Variants in ARAP1 observed in about 807,000 individuals in gnomAD.
The protein encoded by ARAP1 is arf-GAP with Rho-GAP domain, ANK repeat and PH domain-containing protein 1.
Under a neutral mutation model 172.2 loss-of-function variants are expected in ARAP1, and 76 were observed. That is an observed-to-expected ratio of 0.44 (90% confidence interval 0.37 to 0.53). ARAP1 has a LOEUF of 0.53. Among genes scored for constraint, ARAP1 ranks in the 20% least tolerant of loss-of-function variants. ARAP1 has a pLI of 0.00. For synonymous variants in ARAP1, 804 were observed against 803.3 expected (o/e 1.00, Z -0.01); for missense variants, 1,686 against 1,977.5 (o/e 0.85, Z 2.80).
chr11:72,724,570 A>C (rs1324195935), intron 3 of ARAP1, among the ~76,000 whole-genome samples: 1 of 151,880 alleles, frequency 6.6e-6, no homozygotes, highest in Non-Finnish European at 1.5e-5. Flanking sequence ...TCACTACAGC[A>C]CTCAGTCTTG....
In ARAP1 at chr11:72,725,322, T is replaced by C. The variant is rs140327810; in HGVS notation, c.509+1298A>G. Among the ~76,000 whole-genome samples the C allele has an allele frequency of 0.019, 2,835 of 150,802 alleles. 86 individuals are homozygous for C. The highest frequency in any genetic ancestry group is 0.066 in the African/African-American group (2,713 of 40,968). On this transcript the variant is annotated intron_variant, in intron 3 of 34. Transcript: ENST00000393609. This position sits in a 1 kb window ranked among gnomAD's most constrained non-coding sequence, Gnocchi z 4.3. ...TCTCTCTCTCTCTCTCTCTCTCTTT[T>C]TCTCTCTCTCTCTCCCCCCCACAAG...
Position 72,712,442 on chromosome 11 carries a change from G to A in ARAP1, c.874C>T (p.Pro292Ser). 6.3e-7 allele frequency: 1 copy of A among 1,577,366 alleles called. No individual in the cohort carries two copies. The highest frequency in any genetic ancestry group is 8.6e-7 in the Non-Finnish European group (1 of 1,156,166). Residue 292 changes from proline to serine, a missense_variant, in exon 6 of 35, where the codon CCC (proline) becomes TCC (serine). By Grantham distance (74) the Pro-to-Ser change is moderately conservative (BLOSUM62 -1). This residue lies in a region of ARAP1 where 688 missense variants were observed against 856.9 expected (regional missense o/e 0.80). Transcript: ENST00000393609. ...EEDDHAYEGVPNGGWHTSSLS... is the reference protein window; with the variant it reads ...EEDDHAYEGVSNGGWHTSSLS... ...GGAGGGTGGCCGGACACTCACTTGGGGACGCCCTCATAGGCGTGGTCATCC... is the reference window on the plus strand; with the variant it reads ...GGAGGGTGGCCGGACACTCACTTGGAGACGCCCTCATAGGCGTGGTCATCC...
At chr11:72,717,964 T>C (rs1857352440) in intron 3 of ARAP1, among the ~76,000 whole-genome samples, 1 of 152,140 alleles carries the variant, frequency 6.6e-6, no homozygotes, top group Non-Finnish European at 1.5e-5. Flanking sequence ...AGGACCCATC[T>C]GAGAGGGAAC....
chr11:72,698,398 C>T (rs952066273), intron 18 of ARAP1, among the ~76,000 whole-genome samples: 3 of 152,238 alleles, frequency 2.0e-5, no homozygotes, highest in Non-Finnish European at 4.4e-5. Flanking sequence ...GGTTACACTG[C>T]TGCTGCCGCC....
chr11:72,692,859 G>A, intron 29 of ARAP1, 74 bp from the exon 30 acceptor site: 1 of 1,587,996 alleles, frequency 6.3e-7, no homozygotes, highest in Non-Finnish European at 8.6e-7. Context: ...AGTGATGTGT[G>A]GGGTTGGGGT....
chr11:72,703,151 G>T, intron 14 of ARAP1, 72 bp from the exon 15 acceptor site: 1 of 1,407,844 alleles, frequency 7.1e-7, no homozygotes, highest in Non-Finnish European at 9.4e-7. Context: ...TACGGGGGAG[G>T]AGAGGAAAGA....
chr11:72,703,918 G>A, intron 14 of ARAP1: 1 of 563,508 alleles, frequency 1.8e-6, no homozygotes, highest in South Asian at 2.1e-5. Flanking sequence ...GAGAGAGACA[G>A]ACAGATGCTG....
chr11:72,693,120 G>T lies in ARAP1; in HGVS notation c.3954+205C>A. The stretch of plus-strand genomic sequence containing the variant: ...GGTGTGATGGCATCCGGGTGCCAGG[G>T]CTTAGTGGGGCTACAGGGCACACTA... On this transcript the variant is annotated intron_variant, in intron 29 of 34. Coordinates refer to ENST00000393609, the MANE Select transcript of ARAP1 (RefSeq NM_001040118.3). The surrounding 1 kb of genome is among the most constrained non-coding windows in gnomAD (Gnocchi z 4.6). The T allele has an allele frequency of 1.3e-6, 1 of 765,466 alleles. No homozygotes were observed. The highest frequency in any genetic ancestry group is 2.1e-6 in the Non-Finnish European group (1 of 485,798). The allele number at this position is 765,466 out of a possible 1,614,324, so 47.4% of individuals were successfully genotyped here.
chr11:72,720,510 C>A (rs1015913209), intron 3 of ARAP1, among the ~76,000 whole-genome samples: 11 of 152,204 alleles, frequency 7.2e-5, no homozygotes, highest in Non-Finnish European at 1.6e-4. Flanking sequence ...CCAGTCCTCT[C>A]CATGCCGCCA....
chr11:72,740,902 G>C (rs1812056491), intron 1 of ARAP1, among the ~76,000 whole-genome samples: 1 of 152,122 alleles, frequency 6.6e-6, no homozygotes. Flanking sequence ...CCTCACCCAG[G>C]GGCCCCTCAT....
At chr11:72,697,270 G>C (rs1253914375) in intron 21 of ARAP1, 53 bp downstream of exon 21, 15 of 1,586,576 alleles carry the variant, frequency 9.5e-6, no homozygotes, top group African/African-American at 1.3e-5. Context: ...GCTCTGGGGC[G>C]GGAGGCGGCT....
rs963949823 is a variant in ARAP1 at position 72,685,632 on chromosome 11, G to A, written c.*32C>T. On this transcript the variant is annotated 3_prime_UTR_variant, in exon 35 of 35. Coordinates refer to ENST00000393609, the MANE Select transcript of ARAP1 (RefSeq NM_001040118.3). ...GTCTGAACAGAAGGCTTCCAGCGGC[G>A]GAATCCTAGAGCCAAGGATGGGCTC... 5.0e-6 allele frequency: 8 copies of A among 1,614,004 alleles called. No individual in the cohort carries two copies. The highest frequency in any genetic ancestry group is 1.1e-5 in the South Asian group (1 of 91,082).
rs1361330971 is a variant in ARAP1 at position 72,686,196 on chromosome 11, G to A, written c.4186-5C>T. The A allele has an allele frequency of 6.2e-7, 1 of 1,609,818 alleles. No individual in the cohort carries two copies. The highest frequency in any genetic ancestry group is 1.1e-5 in the South Asian group (1 of 90,958). The stretch of plus-strand genomic sequence containing the variant: ...GGGCCACACCAGGCCGTCATGCTGG[G>A]GAGCAGAGAGGAAGGGGCTGGGCTC... On this transcript the variant is annotated splice_polypyrimidine_tract_variant and splice_region_variant and intron_variant, in intron 33 of 34. Transcript: ENST00000393609.
intron 3 of ARAP1, among the ~76,000 whole-genome samples, chr11:72,719,664 T>A (rs1003892371): frequency 6.6e-6 from 1 of 152,150 alleles, no homozygotes; most frequent in Non-Finnish European, 1.5e-5. Flanking sequence ...CCCTACCCGT[T>A]CCTATCTTTC....
chr11:72,722,298 C>A (rs1336788601), intron 3 of ARAP1: 14 of 985,746 alleles, frequency 1.4e-5, no homozygotes, highest in Non-Finnish European at 1.4e-5. Context: ...TGTGTCTCCC[C>A]CACCTCCTGC....
Position 72,735,550 on chromosome 11 carries a change from C to T in ARAP1, c.-127-2953G>A, listed in dbSNP as rs1172131421. 3.3e-5 allele frequency among the ~76,000 whole-genome samples: 5 copies of T among 152,054 alleles called. 1 individual carries two copies. Among genetic ancestry groups the T allele is most frequent in the Admixed American group, 2.6e-4 (4 of 15,268 alleles). The stretch of plus-strand genomic sequence containing the variant: ...CGCAGAGGTTGCAGTGAGCTGAGAT[C>T]GTGCCATTGCACTCCAGCCTGGGCG... On this transcript the variant is annotated intron_variant, in intron 1 of 34. Coordinates refer to ENST00000393609, the MANE Select transcript of ARAP1 (RefSeq NM_001040118.3).
At chr11:72,696,272 G>T (rs375748029) in intron 23 of ARAP1, among the ~76,000 whole-genome samples, 46 of 152,316 alleles carry the variant, frequency 3.0e-4, no homozygotes, top group African/African-American at 1.1e-3. Context: ...TGCCGCGGCT[G>T]ATCTGACAGG....
At position 72,714,237 on chromosome 11, in the gene ARAP1, G is replaced by A; in HGVS notation, c.594C>T (p.Leu198=). 1 of 1,528,642 alleles carries A rather than the reference G, an allele frequency of 6.5e-7. No individual in the cohort carries two copies. Among genetic ancestry groups the A allele is most frequent in the Non-Finnish European group, 8.8e-7 (1 of 1,140,484 alleles). The allele number at this position is 1,528,642 out of a possible 1,614,324, so 94.7% of individuals were successfully genotyped here. The change falls in exon 4 of 35, where the codon CTC becomes CTT. Residue 198 remains leucine, a synonymous_variant. Coordinates refer to ENST00000393609, the MANE Select transcript of ARAP1 (RefSeq NM_001040118.3). The stretch of plus-strand genomic sequence containing the variant: ...AGGGAGGCTGGGGAGGCCCCTGGGG[G>A]AGGGTGGACAGGGGCTCCTCAGACT... The part of the protein sequence containing the change: ...QPQSEEPLST[L]PQGPPQPPSP...
In ARAP1 at chr11:72,693,429, G is replaced by A. The variant is rs770847913; in HGVS notation, c.3850C>T (p.Arg1284Cys). The A allele has an allele frequency of 8.1e-6, 13 of 1,613,876 alleles. No homozygotes were observed. Among genetic ancestry groups the A allele is most frequent in the East Asian group, 4.5e-5 (2 of 44,878 alleles). ...GDTKHGMMKFREDRSLLGLGL... is the reference protein window; with the variant it reads ...GDTKHGMMKFCEDRSLLGLGL... ...AGGCCCAGGAGGCTGCGGTCCTCAC[G>A]GAACTTCATCATGCCATGCTTGGTG... is the stretch of plus-strand genomic sequence containing the variant. The change falls in exon 29 of 35, where the codon CGT (arginine) becomes TGT (cysteine). Residue 1284 changes from arginine to cysteine, a missense_variant. Physicochemically the swap from Arg to Cys is radical, Grantham distance 180. Around this residue, in one of 5 missense-constraint regions of ARAP1, gnomAD observed 379 missense variants for 500.1 expected, o/e 0.76. Transcript: ENST00000393609. This position sits in a 1 kb window ranked among gnomAD's most constrained non-coding sequence, Gnocchi z 4.6.
Sources: gnomAD v4.1 joint callset for allele counts (sites outside exome capture counted in the v4.1 genomes callset) on GRCh38, gnomAD v4.1.1 for gene constraint, gnomAD v4.1.1 regional missense constraint, Gnocchi (gnomAD v3.1) non-coding constraint, MANE v1.5 for transcripts, NCBI Gene and HGNC (gene_info 2026-07-23, HGNC 2026-07-21) for gene names.